The following ROBO2 variants were observed in gnomAD, a reference collection of about 807,000 sequenced individuals.
ROBO2 encodes roundabout homolog 2.
In ROBO2, 53 loss-of-function variants were observed where a neutral mutation model predicts 160.8. That is an observed-to-expected ratio of 0.33 (90% confidence interval 0.26 to 0.41). ROBO2 has a LOEUF of 0.41. Ranked by LOEUF, ROBO2 falls within the 10% of genes least tolerant of loss-of-function variation. The pLI, the probability that ROBO2 is intolerant of heterozygous loss-of-function variation, is 1.00. For missense variants in ROBO2, 1,577 were observed against 1,722.4 expected (o/e 0.92, Z 1.49); for synonymous variants, 664 against 611.7 (o/e 1.09, Z -1.26).
At chr3:76,011,488 A>G (rs2066192952) in intron 2 of ROBO2, among the ~76,000 whole-genome samples, 1 of 152,076 alleles carries the variant, frequency 6.6e-6, no homozygotes, top group Non-Finnish European at 1.5e-5. Flanking sequence ...CCCCTTTACT[A>G]GTTTTGGTTA....
At chr3:76,769,875 A>T (rs1187411051) in intron 2 of ROBO2, among the ~76,000 whole-genome samples, 1 of 151,300 alleles carries the variant, frequency 6.6e-6, no homozygotes, top group African/African-American at 2.4e-5. Context: ...CATCTCTTCC[A>T]TGGTTTAGTT....
At chr3:76,906,024 A>G (rs1449156325) in intron 2 of ROBO2, among the ~76,000 whole-genome samples, 1 of 152,088 alleles carries the variant, frequency 6.6e-6, no homozygotes, top group Non-Finnish European at 1.5e-5. Flanking sequence ...TTTCTTCTCC[A>G]TGGTTTGCAT....
chr3:76,129,142 G>T (rs956913215), intron 2 of ROBO2, among the ~76,000 whole-genome samples: 3 of 151,842 alleles, frequency 2.0e-5, no homozygotes, highest in African/African-American at 4.8e-5. Flanking sequence ...TGCAAGTTCT[G>T]TGACTTTGGC....
chr3:75,912,113 G>A (rs1166185914), intron 1 of ROBO2, among the ~76,000 whole-genome samples: 1 of 152,068 alleles, frequency 6.6e-6, no homozygotes, highest in Non-Finnish European at 1.5e-5. Context: ...CTAATGTTCT[G>A]TAATCATTAA....
At chr3:77,363,275 T>A (rs2153470505) in intron 2 of ROBO2, among the ~76,000 whole-genome samples, 1 of 152,264 alleles carries the variant, frequency 6.6e-6, no homozygotes, top group East Asian at 1.9e-4. Context: ...AAAAGATGAA[T>A]CTAGCTGCTC....
intron 23 of ROBO2, chr3:77,634,615 G>T: frequency 2.1e-6 from 1 of 480,568 alleles, no homozygotes. Flanking sequence ...GTGGATTGGT[G>T]GATCTGTTTT....
intron 2 of ROBO2, among the ~76,000 whole-genome samples, chr3:76,933,241 C>A (rs985672343): frequency 1.3e-5 from 2 of 152,010 alleles, no homozygotes; most frequent in Non-Finnish European, 2.9e-5. Context: ...ATATTTAGTT[C>A]CACTGAACTC....
intron 2 of ROBO2, among the ~76,000 whole-genome samples, chr3:76,582,205 A>G (rs1399904782): frequency 1.3e-5 from 2 of 152,204 alleles, no homozygotes; most frequent in African/African-American, 4.8e-5. Flanking sequence ...AAAACTGCTC[A>G]TCTCCTTTAA....
At chr3:77,502,624 T>C (rs1465656065) in intron 5 of ROBO2, among the ~76,000 whole-genome samples, 1 of 152,154 alleles carries the variant, frequency 6.6e-6, no homozygotes, top group Middle Eastern at 3.2e-3. Flanking sequence ...TCTCCATCTA[T>C]GGGTGCCACA....
At chr3:76,583,310 G>A (rs1406916130) in intron 2 of ROBO2, among the ~76,000 whole-genome samples, 2 of 152,150 alleles carry the variant, frequency 1.3e-5, no homozygotes, top group African/African-American at 2.4e-5. Flanking sequence ...TGAGGACAGC[G>A]CTTAGTTGCA....
At chr3:77,072,336 A>G (rs1197355321) in intron 1 of ROBO2, among the ~76,000 whole-genome samples, 1 of 152,144 alleles carries the variant, frequency 6.6e-6, no homozygotes, top group Non-Finnish European at 1.5e-5. Flanking sequence ...AATAAAGTGC[A>G]CAGTAAATGT....
chr3:76,190,557 C>G (rs1393761427), intron 2 of ROBO2, among the ~76,000 whole-genome samples: 2 of 152,004 alleles, frequency 1.3e-5, no homozygotes, highest in Non-Finnish European at 2.9e-5. Context: ...ATATGTAGTT[C>G]TAAAAGCTTA....
chr3:76,882,381 C>T (rs937160041), intron 2 of ROBO2, among the ~76,000 whole-genome samples: 7 of 152,084 alleles, frequency 4.6e-5, no homozygotes, highest in African/African-American at 1.4e-4. Flanking sequence ...TTATCTTTCT[C>T]GGTTTTACCT....
intron 15 of ROBO2, among the ~76,000 whole-genome samples, chr3:77,579,140 A>G (rs1433951622): frequency 6.6e-6 from 1 of 152,132 alleles, no homozygotes; most frequent in East Asian, 1.9e-4. Context: ...TAAATATTGT[A>G]TAATATGAAT....
At chr3:76,759,980 T>C (rs764012425) in intron 2 of ROBO2, among the ~76,000 whole-genome samples, 11 of 151,674 alleles carry the variant, frequency 7.3e-5, no homozygotes, top group Non-Finnish European at 1.5e-4. Context: ...ATCCATAACA[T>C]TGAACCAGAT....
intron 1 of ROBO2, among the ~76,000 whole-genome samples, chr3:77,085,620 C>A (rs999912330): frequency 7.9e-5 from 12 of 151,960 alleles, no homozygotes; most frequent in Non-Finnish European, 1.8e-4. Flanking sequence ...CCTTTGTTTC[C>A]AAGATACAAA....
intron 2 of ROBO2, among the ~76,000 whole-genome samples, chr3:76,074,328 T>G (rs560945072): frequency 6.6e-6 from 1 of 152,160 alleles, no homozygotes; most frequent in Non-Finnish European, 1.5e-5. Context: ...TCTGCTTCAA[T>G]GAGAAAGGAA....
At chr3:76,309,901 G>A (rs2071496162) in intron 2 of ROBO2, among the ~76,000 whole-genome samples, 1 of 152,058 alleles carries the variant, frequency 6.6e-6, no homozygotes, top group Non-Finnish European at 1.5e-5. Flanking sequence ...ATGACTTACT[G>A]CAGCCTCAAC....
intron 24 of ROBO2, among the ~76,000 whole-genome samples, chr3:77,637,534 A>G (rs897302316): frequency 6.6e-6 from 1 of 152,216 alleles, no homozygotes; most frequent in Non-Finnish European, 1.5e-5. Context: ...AATGGTCACC[A>G]CTGCCTTTCT....
Sources: gnomAD v4.1 joint callset for allele counts (sites outside exome capture counted in the v4.1 genomes callset) on GRCh38, gnomAD v4.1.1 for gene constraint, MANE v1.5 for transcripts, NCBI Gene and HGNC (gene_info 2026-07-23, HGNC 2026-07-21) for gene names.